JADE1: variants seen among roughly 807,000 people sequenced by gnomAD.
JADE1 encodes the protein protein Jade-1.
In JADE1, 14 loss-of-function variants were observed where a neutral mutation model predicts 81.8. The observed-to-expected ratio is 0.17, with a 90% CI of 0.11 to 0.27. The LOEUF is 0.27. Ranked by LOEUF, JADE1 falls within the 10% of genes least tolerant of loss-of-function variation. The pLI is 1.00. For missense variants in JADE1, 690 were observed against 1,047.9 expected, an observed-to-expected ratio of 0.66 and a Z score of 4.71; for synonymous variants, 353 against 391.9, an observed-to-expected ratio of 0.90 and a Z score of 1.17.
intron 9 of JADE1, among the ~76,000 whole-genome samples, chr4:128,867,068 G>C (rs1731834891): frequency 6.6e-6 from 1 of 152,168 alleles, no homozygotes; most frequent in South Asian, 2.1e-4. Flanking sequence ...ACATCAGATA[G>C]GAAGTAGAGC....
intron 6 of JADE1, among the ~76,000 whole-genome samples, chr4:128,853,066 T>TG (rs1730499190): frequency 6.6e-6 from 1 of 151,916 alleles, no homozygotes; most frequent in Non-Finnish European, 1.5e-5. Flanking sequence ...TGGCTAGAGA[T>TG]GGGGTTTCAC....
chr4:128,854,990 C>T (rs1406391689), intron 6 of JADE1, among the ~76,000 whole-genome samples: 1 of 151,998 alleles, frequency 6.6e-6, no homozygotes, highest in African/African-American at 2.4e-5. Flanking sequence ...GCTAAGGAGA[C>T]GACATTCTTC....
At position 128,849,081 on chromosome 4, in the gene JADE1, C is replaced by T. The variant is rs1478408696; in HGVS notation, c.398C>T (p.Thr133Met). 36 of 1,613,992 alleles carry T rather than the reference C, an allele frequency of 2.2e-5. No individual in the cohort carries two copies. Among genetic ancestry groups the T allele is most frequent in the Middle Eastern group, 1.7e-4 (1 of 6,026 alleles). Residue 133 changes from threonine to methionine, a missense_variant, in exon 5 of 11, where the codon ACG becomes ATG. By Grantham distance (81) the Thr-to-Met change is moderately conservative (BLOSUM62 -1). Around this residue, in one of 8 missense-constraint regions of JADE1, gnomAD observed 98 missense variants for 161.3 expected, o/e 0.61. Coordinates refer to ENST00000226319, the MANE Select transcript of JADE1 (RefSeq NM_199320.4). Reference protein sequence around the residue: ...PPELGYVDIRTLADSVCRYDL... With the variant: ...PPELGYVDIRMLADSVCRYDL... ...GAGTTGGGCTATGTGGACATCCGGA[C>T]GCTGGCTGACAGCGTGTGTCGCTAT...
At chr4:128,866,109 C>T (rs954624495) in intron 9 of JADE1, among the ~76,000 whole-genome samples, 1 of 152,168 alleles carries the variant, frequency 6.6e-6, no homozygotes, top group African/African-American at 2.4e-5. Context: ...AGGATGTTAG[C>T]CACTTCCATT....
intron 6 of JADE1, among the ~76,000 whole-genome samples, chr4:128,855,093 T>G (rs1411230691): frequency 1.3e-5 from 2 of 152,138 alleles, no homozygotes; most frequent in Admixed American, 6.5e-5. Context: ...CTAGGGAGTG[T>G]GCATGCTTCT....
intron 1 of JADE1, among the ~76,000 whole-genome samples, chr4:128,818,560 C>T (rs549007292): frequency 2.0e-5 from 3 of 152,208 alleles, no homozygotes; most frequent in East Asian, 1.9e-4. Context: ...TACTACTGAT[C>T]GGTTGATTTA....
At chr4:128,842,604 A>AT (rs1157152318) in intron 2 of JADE1, among the ~76,000 whole-genome samples, 1 of 151,918 alleles carries the variant, frequency 6.6e-6, no homozygotes, top group Non-Finnish European at 1.5e-5. Flanking sequence ...CTGGCCTGAT[A>AT]TTTTTTCAAT....
At chr4:128,812,137 A>G (rs1726480996) in intron 1 of JADE1, among the ~76,000 whole-genome samples, 1 of 150,982 alleles carries the variant, frequency 6.6e-6, no homozygotes, top group Non-Finnish European at 1.5e-5. Context: ...GGGGGTGGCC[A>G]CTTTCAAATG....
At chr4:128,812,637 A>G (rs1726570936) in intron 1 of JADE1, among the ~76,000 whole-genome samples, 1 of 152,152 alleles carries the variant, frequency 6.6e-6, no homozygotes, top group African/African-American at 2.4e-5. Context: ...GGGCGGCCGC[A>G]GTCCCGGCGC....
intron 10 of JADE1, among the ~76,000 whole-genome samples, chr4:128,868,759 A>G (rs917032722): frequency 6.6e-6 from 1 of 152,210 alleles, no homozygotes; most frequent in Non-Finnish European, 1.5e-5. Flanking sequence ...AGTAGGTAGT[A>G]TAAGGATTTC....
intron 1 of JADE1, among the ~76,000 whole-genome samples, chr4:128,823,741 A>C (rs2125809140): frequency 6.6e-6 from 1 of 152,358 alleles, no homozygotes; most frequent in South Asian, 2.1e-4. Context: ...TTTTGACTAG[A>C]TATAACCCTT....
In JADE1 at chr4:128,873,693, GA is replaced by G. The variant is rs1252645637; in HGVS notation, c.*1433del. 1 of 152,246 alleles carries G rather than the reference GA, an allele frequency of 6.6e-6. No homozygotes were observed. Among genetic ancestry groups the G allele is most frequent in the Admixed American group, 6.5e-5 (1 of 15,274 alleles). The allele number at this position is 152,246 out of a possible 1,614,324, so 9.4% of individuals were successfully genotyped here. ...TGAGATACAGAATTATGGGCCTTTG[GA>G]ACAAGCCCGACTTCCCCTAAATTCT... On this transcript the variant is annotated 3_prime_UTR_variant, in exon 11 of 11. Transcript: ENST00000226319.
intron 9 of JADE1, among the ~76,000 whole-genome samples, chr4:128,866,074 T>C (rs973895272): frequency 6.6e-6 from 1 of 152,220 alleles, no homozygotes; most frequent in Non-Finnish European, 1.5e-5. Flanking sequence ...TAATTTCCCC[T>C]GGGTGGAACA....
intron 7 of JADE1, among the ~76,000 whole-genome samples, chr4:128,857,050 C>G (rs776076639): frequency 6.6e-6 from 1 of 152,140 alleles, no homozygotes. Flanking sequence ...CGGCATTGTC[C>G]TGGTACATGA....
intron 2 of JADE1, among the ~76,000 whole-genome samples, chr4:128,834,314 T>G (rs951257386): frequency 6.6e-6 from 1 of 152,192 alleles, no homozygotes; most frequent in Non-Finnish European, 1.5e-5. Context: ...TGTTCTTACT[T>G]GGCCTTTCCT....
intron 6 of JADE1, among the ~76,000 whole-genome samples, chr4:128,854,770 C>A (rs1249347969): frequency 6.6e-6 from 1 of 152,134 alleles, no homozygotes; most frequent in Non-Finnish European, 1.5e-5. Context: ...CTGGTACCAT[C>A]GTGGTTTTTA....
intron 1 of JADE1, among the ~76,000 whole-genome samples, chr4:128,811,652 G>A (rs1276876692): frequency 6.8e-6 from 1 of 146,656 alleles, no homozygotes; most frequent in Non-Finnish European, 1.5e-5. Context: ...GGGGTTGCGG[G>A]GGCGGGGACG....
chr4:128,871,252 T>G lies in JADE1; in HGVS notation c.1622-103T>G. On this transcript the variant is annotated intron_variant, in intron 10 of 10. Transcript: ENST00000226319. The surrounding 1 kb of genome is among the most constrained non-coding windows in gnomAD (Gnocchi z 4.1). ...GTGGTGTAAGTGTTGTGTTGTTGGG[T>G]GGGGAGTTCACATCAATTGGGCCAC... is the stretch of plus-strand genomic sequence containing the variant. 1 of 1,109,148 alleles carries G rather than the reference T, an allele frequency of 9.0e-7. No individual in the cohort carries two copies. Among genetic ancestry groups the G allele is most frequent in the South Asian group, 1.5e-5 (1 of 64,594 alleles). The allele number at this position is 1,109,148 out of a possible 1,614,324, so 68.7% of individuals were successfully genotyped here.
intron 2 of JADE1, among the ~76,000 whole-genome samples, chr4:128,837,869 T>G (rs541049250): frequency 6.6e-6 from 1 of 152,230 alleles, no homozygotes; most frequent in African/African-American, 2.4e-5. Flanking sequence ...TCTTTCATAG[T>G]TTGCATTTTG....
Sources: allele counts gnomAD v4.1 joint callset (sites outside exome capture counted in the v4.1 genomes callset), GRCh38; gene constraint gnomAD v4.1.1; regional missense constraint gnomAD v4.1.1; non-coding constraint Gnocchi (gnomAD v3.1); transcripts MANE v1.5; gene names NCBI Gene and HGNC (gene_info 2026-07-23, HGNC 2026-07-21).